VPS13C: variants seen among roughly 807,000 people sequenced by gnomAD.
VPS13C encodes the protein vacuolar protein sorting 13 homolog C, also known as intermembrane lipid transfer protein VPS13C.
VPS13C carries 358 observed loss-of-function variants against 456.8 expected under a neutral mutation model. The observed-to-expected ratio is 0.78, with a 90% confidence interval of 0.72 to 0.86. The LOEUF (loss-of-function observed/expected upper bound fraction) is 0.86, where lower values mean the gene tolerates loss of function less well. VPS13C is among the 40% of genes least tolerant of loss of function. VPS13C has a pLI of 0.00. For missense variants in VPS13C, 4,818 were observed against 4,385.4 expected (o/e 1.10, Z -2.79); for synonymous variants, 1,578 against 1,486.7 (o/e 1.06, Z -1.41).
intron 37 of VPS13C, among the ~76,000 whole-genome samples, chr15:61,957,974 G>T (rs543940202): frequency 6.6e-6 from 1 of 151,188 alleles, no homozygotes; most frequent in African/African-American, 2.4e-5. Context: ...ACACACACAT[G>T]CATGTACACA....
chr15:61,885,895 C>A (rs1157343077), intron 67 of VPS13C, among the ~76,000 whole-genome samples: 1 of 152,112 alleles, frequency 6.6e-6, no homozygotes, highest in Non-Finnish European at 1.5e-5. Flanking sequence ...TCCGTGCTGA[C>A]TTCTCAAATA....
chr15:61,873,129 ATT>A, intron 78 of VPS13C, 115 bp downstream of exon 78: 2 of 1,444,626 alleles, frequency 1.4e-6, no homozygotes, highest in Non-Finnish European at 1.9e-6. Flanking sequence ...ATCATTTATC[ATT>A]CTTTCTATTC....
intron 58 of VPS13C, 109 bp from the exon 59 acceptor site, chr15:61,918,366 T>C (rs1214186581): frequency 4.8e-6 from 5 of 1,048,370 alleles, no homozygotes; most frequent in Admixed American, 3.3e-5. Context: ...AAACTCAGTA[T>C]TGGAAGATAT....
chr15:61,893,645 G>A (rs1023873972), intron 66 of VPS13C, among the ~76,000 whole-genome samples: 2 of 148,988 alleles, frequency 1.3e-5, no homozygotes, highest in African/African-American at 5.0e-5. Context: ...AAGACTAAAA[G>A]ACAAATCTAT....
At position 61,927,323 on chromosome 15, in the gene VPS13C, G is replaced by C. The variant is rs1463468152; in HGVS notation, c.6287-3C>G. On this transcript the variant is annotated splice_polypyrimidine_tract_variant and splice_region_variant and intron_variant, in intron 51 of 84. Transcript: ENST00000644861. ...CATATTTGGTCTAACAGAGTCATCT[G>C]AAGAAACAAGCAACAGGAACCAGAA... The C allele has an allele frequency of 1.2e-5, 20 of 1,609,688 alleles. No individual in the cohort carries two copies. The highest frequency in any genetic ancestry group is 1.7e-5 in the Admixed American group (1 of 59,528).
At chr15:61,995,341 T>C (rs1050829895) in intron 16 of VPS13C, among the ~76,000 whole-genome samples, 2 of 152,196 alleles carry the variant, frequency 1.3e-5, no homozygotes, top group African/African-American at 2.4e-5. Context: ...GAGTTTTCCA[T>C]GACGTTTGTT....
chr15:61,903,992 T>A (rs552898575), intron 66 of VPS13C, among the ~76,000 whole-genome samples: 1 of 152,180 alleles, frequency 6.6e-6, no homozygotes, highest in African/African-American at 2.4e-5. Flanking sequence ...CCGAAATAGA[T>A]TAAAGACTTA....
intron 61 of VPS13C, 66 bp from the exon 62 acceptor site, chr15:61,913,481 A>G: frequency 1.4e-6 from 2 of 1,411,270 alleles, no homozygotes; most frequent in African/African-American, 1.4e-5. Flanking sequence ...TATTTGAGAG[A>G]AAGTTGCTGG....
chr15:62,028,397 A>G lies in VPS13C; in HGVS notation c.409T>C (p.Tyr137His), dbSNP rs2047708185. The change falls in exon 6 of 85, where the codon TAT (tyrosine) becomes CAT (histidine). Residue 137 changes from tyrosine (Y) to histidine (H), a missense_variant. Physicochemically the swap from Tyr to His is moderately conservative, Grantham distance 83 (BLOSUM62 2). This residue lies in a region of VPS13C where 4,552 missense variants were observed against 4,130.6 expected (regional missense o/e 1.10). Coordinates refer to ENST00000644861, the MANE Select transcript of VPS13C (RefSeq NM_020821.3). ...EKGTHSGEFI[Y>H]GLENFVYKDI... ...TTGTAAACAAAGTTCTCCAAGCCATATATGAACTCCCCTGAATGTGTGCCT... is the reference window on the plus strand; with the variant it reads ...TTGTAAACAAAGTTCTCCAAGCCATGTATGAACTCCCCTGAATGTGTGCCT... 1.2e-6 allele frequency: 2 copies of G among 1,612,984 alleles called. No individual in the cohort carries two copies. The highest frequency in any genetic ancestry group is 1.3e-5 in the African/African-American group (1 of 74,826).
intron 74 of VPS13C, 144 bp downstream of exon 74, chr15:61,878,463 A>C (rs1177762938): frequency 1.1e-5 from 12 of 1,045,482 alleles, no homozygotes. Flanking sequence ...TAAAGAGTAT[A>C]ATCACAAATG....
Position 62,000,605 on chromosome 15 carries a change from C to T in VPS13C, c.1312G>A (p.Val438Ile). ...TGCCTTGCTAAAATTATGTTAAAAA[C>T]ATCTAGAGTCTTCTCCAAGTCCTGT... Reference protein sequence around the residue: ...EIQDLEKTLDVFNIILARQQA... With the variant: ...EIQDLEKTLDIFNIILARQQA... The change falls in exon 16 of 85, where the codon GTT (valine) becomes ATT (isoleucine). Residue 438 changes from valine (V) to isoleucine (I), a missense_variant. Physicochemically the swap from Val to Ile is conservative, Grantham distance 29 (BLOSUM62 3). This residue lies in a region of VPS13C where 4,552 missense variants were observed against 4,130.6 expected (regional missense o/e 1.10). Coordinates refer to ENST00000644861, the MANE Select transcript of VPS13C (RefSeq NM_020821.3). 2 of 1,606,594 alleles carry T rather than the reference C, an allele frequency of 1.2e-6. No individual in the cohort carries two copies. The highest frequency in any genetic ancestry group is 1.7e-6 in the Non-Finnish European group (2 of 1,177,656).
At chr15:62,024,425 C>G (rs1361549426) in intron 6 of VPS13C, among the ~76,000 whole-genome samples, 1 of 152,040 alleles carries the variant, frequency 6.6e-6, no homozygotes, top group South Asian at 2.1e-4. Context: ...AAACCTCATT[C>G]TCTTTCAACA....
At chr15:61,866,269 A>G in intron 81 of VPS13C, 1 of 984,142 alleles carries the variant, frequency 1.0e-6, no homozygotes, top group South Asian at 4.7e-5. Context: ...TAATGCACTA[A>G]AGTTTTAAAA....
intron 20 of VPS13C, 98 bp downstream of exon 20, chr15:61,983,722 G>T: frequency 7.8e-7 from 1 of 1,284,772 alleles, no homozygotes; most frequent in Non-Finnish European, 1.1e-6. Flanking sequence ...TACTTATTAA[G>T]TAAATAAATG....
At chr15:61,949,771 G>A (rs2044725072) in intron 41 of VPS13C, among the ~76,000 whole-genome samples, 166 bp from the exon 42 acceptor site, 1 of 151,990 alleles carries the variant, frequency 6.6e-6, no homozygotes, top group South Asian at 2.1e-4. Context: ...GTCAATCCTT[G>A]CCAGATAATA....
intron 30 of VPS13C, 64 bp downstream of exon 30, chr15:61,966,019 T>C: frequency 3.1e-6 from 4 of 1,276,256 alleles, no homozygotes; most frequent in Non-Finnish European, 4.4e-6. Context: ...CCTCAAAGGA[T>C]ACTAGAGGCT....
intron 55 of VPS13C, among the ~76,000 whole-genome samples, chr15:61,921,212 A>ATTGAGAGGAAATTGGAACACAGG (rs2043643341): frequency 6.6e-6 from 1 of 152,108 alleles, no homozygotes; most frequent in Non-Finnish European, 1.5e-5. Flanking sequence ...TTACTTCTTT[A>ATTGAGAGGAAATTGGAACACAGG]TTGAGAGGAA....
chr15:61,865,738 G>T, intron 81 of VPS13C: 1 of 539,252 alleles, frequency 1.9e-6, no homozygotes, highest in Non-Finnish European at 2.4e-6. Context: ...TTGTGTGTAT[G>T]TATATCTGTA....
At chr15:61,861,537 T>G (rs1383309601) in intron 82 of VPS13C, among the ~76,000 whole-genome samples, 1 of 152,146 alleles carries the variant, frequency 6.6e-6, no homozygotes, top group Non-Finnish European at 1.5e-5. Context: ...TAGCCATAAC[T>G]TTAGCAATAA....
Sources: allele counts gnomAD v4.1 joint callset (sites outside exome capture counted in the v4.1 genomes callset), GRCh38; gene constraint gnomAD v4.1.1; regional missense constraint gnomAD v4.1.1; transcripts MANE v1.5; gene names NCBI Gene and HGNC (gene_info 2026-07-23, HGNC 2026-07-21).